EPS8L1: variants seen among roughly 807,000 people sequenced by gnomAD.
EPS8L1 encodes epidermal growth factor receptor kinase substrate 8-like protein 1.
In EPS8L1, 101 loss-of-function variants were observed where a neutral mutation model predicts 91.7. The ratio of observed to expected loss-of-function variants is 1.10; its 90% CI spans 0.94 to 1.30. EPS8L1 has a LOEUF of 1.30. Among genes scored for constraint, EPS8L1 ranks in the 50% most tolerant of loss-of-function variants. The pLI, the probability that EPS8L1 is intolerant of heterozygous loss-of-function variation, is 0.00. For synonymous variants in EPS8L1, 506 were observed against 445.3 expected (o/e 1.14, Z -1.72); for missense variants, 1,114 against 1,017.0 (o/e 1.10, Z -1.30).
At position 55,080,456 on chromosome 19, in the gene EPS8L1, C is replaced by T. The variant is rs184787844; in HGVS notation, c.429+178C>T. ...GAAGGCAGTGGGGTTTGAGATTGGA[C>T]CCAGGGTCAAGATAGAACATGAAGG... On this transcript the variant is annotated intron_variant, in intron 6 of 19. Coordinates refer to ENST00000201647, the MANE Select transcript of EPS8L1 (RefSeq NM_133180.3). 2.1e-5 allele frequency: 34 copies of T among 1,612,330 alleles called. No individual in the cohort carries two copies. The East Asian group carries it at 6.9e-4, about 33-fold the overall frequency.
At position 55,086,542 on chromosome 19, in the gene EPS8L1, C is replaced by G. The variant is rs1294216753; in HGVS notation, c.1777+24C>G. Reference sequence around the variant, plus strand: ...GGGTGAGTGGTGGGGACGCCGGCTGCGGGGAGCGGTCCTTATCCTTGCTTT... The same window carrying G: ...GGGTGAGTGGTGGGGACGCCGGCTGGGGGGAGCGGTCCTTATCCTTGCTTT... On this transcript the variant is annotated intron_variant, in intron 17 of 19. Coordinates refer to ENST00000201647, the MANE Select transcript of EPS8L1 (RefSeq NM_133180.3). 8.4e-6 allele frequency: 13 copies of G among 1,549,668 alleles called. No individual in the cohort carries two copies. The African/African-American group carries it at 1.6e-4, about 20-fold the overall frequency.
Position 55,080,231 on chromosome 19 carries a change from G to A in EPS8L1, c.382G>A (p.Glu128Lys), listed in dbSNP as rs777063967. 3.3e-6 allele frequency: 5 copies of A among 1,537,474 alleles called. No individual in the cohort carries two copies. The highest frequency in any genetic ancestry group is 1.2e-5 in the South Asian group (1 of 83,530). The change falls in exon 6 of 20, where the codon GAG becomes AAG. Residue 128 changes from glutamate to lysine, a missense_variant. Glu to Lys is a moderately conservative substitution (Grantham distance 56). Coordinates refer to ENST00000201647, the MANE Select transcript of EPS8L1 (RefSeq NM_133180.3). ...GCTGCTGCTCGTGTGCCAGGAACCC[G>A]AGCGCGCGCAGCCCGACGTGCACTT... ...SLLLLVCQEP[E>K]RAQPDVHFFQ...
intron 19 of EPS8L1, 34 bp from the exon 20 acceptor site, chr19:55,087,494 G>A (rs200733787): frequency 1.4e-4 from 226 of 1,614,142 alleles, no homozygotes; most frequent in Non-Finnish European, 1.8e-4. Flanking sequence ...GGGCTCGGAC[G>A]CCAGGACAAA....
At position 55,087,806 on chromosome 19, in the gene EPS8L1, A is replaced by G. The variant is rs1398446836; in HGVS notation, c.*192A>G. 2.3e-5 allele frequency: 15 copies of G among 641,146 alleles called. No homozygotes were observed. The highest frequency in any genetic ancestry group is 3.3e-5 in the Non-Finnish European group (12 of 365,854). The allele number at this position is 641,146 out of a possible 1,614,324, so 39.7% of individuals were successfully genotyped here. On this transcript the variant is annotated 3_prime_UTR_variant, in exon 20 of 20. Transcript: ENST00000201647. ...CCGGAGAGGATCTGGACTGGCTGGG[A>G]GTGGGGAGGGCGTGGAGACAGTCTA...
Position 55,086,775 on chromosome 19 carries a change from C to T in EPS8L1, c.1839C>T (p.Arg613=), listed in dbSNP as rs1161059580. 6.2e-7 allele frequency: 1 copy of T among 1,609,650 alleles called. No individual in the cohort carries two copies. The highest frequency in any genetic ancestry group is 8.5e-7 in the Non-Finnish European group (1 of 1,178,752). The change falls in exon 18 of 20, where the codon CGC becomes CGT. Residue 613 remains arginine, a synonymous_variant. Transcript: ENST00000201647. ...EELQARLAQG[R]SGPSRAVPGP... is the part of the protein sequence containing the mutation. ...TGCAGGCGCGCCTGGCCCAGGGCCG[C>T]TCGGGACCGAGCCGCGCAGTCCCAG...
At chr19:55,079,229 G>A (rs897401110) in intron 4 of EPS8L1, among the ~76,000 whole-genome samples, 172 bp downstream of exon 4, 6 of 152,132 alleles carry the variant, frequency 3.9e-5, no homozygotes, top group Admixed American at 3.9e-4. Context: ...TATGAAGCCA[G>A]GGGCCTCGGG....
Position 55,087,624 on chromosome 19 carries a change from C to A in EPS8L1, c.*10C>A, listed in dbSNP as rs73932297. 4.2e-4 allele frequency: 673 copies of A among 1,613,886 alleles called. 4 individuals are homozygous for A. In the African/African-American group the frequency reaches 7.1e-3, roughly 17 times the overall value. On this transcript the variant is annotated 3_prime_UTR_variant, in exon 20 of 20. Transcript: ENST00000201647. ...AATGGAGGTCATTTGACCTGCCAGG[C>A]GCCCTTCGCAAAGAGTGACGAGGCC...
rs370885910 is a variant in EPS8L1, at chr19:55,086,077, G to C, written c.1535G>C (p.Arg512Pro). 1.7e-5 allele frequency: 27 copies of C among 1,597,282 alleles called. No individual in the cohort carries two copies. The South Asian group carries it at 2.1e-4, about 13-fold the overall frequency. Residue 512 changes from arginine (R) to proline (P), a missense_variant, in exon 16 of 20, where the codon CGT (arginine) becomes CCT (proline). By Grantham distance (103) the Arg-to-Pro change is moderately radical (BLOSUM62 -2). Coordinates refer to ENST00000201647, the MANE Select transcript of EPS8L1 (RefSeq NM_133180.3). The stretch of plus-strand genomic sequence containing the variant: ...CACACCCAGGTCCTGGATGACAGTC[G>C]TAAGTGGTGGAAGGTTCGGGACCCA... Reference protein sequence around the residue: ...RDVLEVLDDSRKWWKVRDPAG... With the variant: ...RDVLEVLDDSPKWWKVRDPAG...
intron 18 of EPS8L1, 155 bp downstream of exon 18, chr19:55,087,043 G>A: frequency 9.0e-7 from 1 of 1,117,222 alleles, no homozygotes; most frequent in Non-Finnish European, 1.2e-6. Context: ...ACACCCAATG[G>A]CAGGCTGTGA....
intron 12 of EPS8L1, 94 bp downstream of exon 12, chr19:55,082,696 G>A (rs913639147): frequency 1.6e-6 from 2 of 1,219,040 alleles, no homozygotes; most frequent in African/African-American, 1.5e-5. Flanking sequence ...AATAGGACTA[G>A]GAGAGTAGGG....
In EPS8L1 at chr19:55,079,824, T is replaced by A; in HGVS notation, c.252T>A (p.His84Gln). 2 of 1,613,714 alleles carry A rather than the reference T, an allele frequency of 1.2e-6. No individual in the cohort carries two copies. The highest frequency in any genetic ancestry group is 8.5e-7 in the Non-Finnish European group (1 of 1,179,854). The change falls in exon 5 of 20, where the codon CAT (histidine) becomes CAA (glutamine). Residue 84 changes from histidine to glutamine, a missense_variant. By Grantham distance (24) the His-to-Gln change is conservative. Coordinates refer to ENST00000201647, the MANE Select transcript of EPS8L1 (RefSeq NM_133180.3). Reference protein sequence around the residue: ...QEMLLRVSPDHVTLLDPASKE... With the variant: ...QEMLLRVSPDQVTLLDPASKE... ...TGCTGCTGCGAGTGTCTCCCGACCA[T>A]GTCACGCTGCTCGACCCGGCCTCCA...
chr19:55,083,277 A>G lies in EPS8L1; in HGVS notation c.1215-101A>G. The G allele has an allele frequency of 6.8e-7, 1 of 1,471,782 alleles. No individual in the cohort carries two copies. The highest frequency in any genetic ancestry group is 1.3e-5 in the South Asian group (1 of 74,268). The allele number at this position is 1,471,782 out of a possible 1,614,324, so 91.2% of individuals were successfully genotyped here. A position where few individuals can be genotyped will look rare whatever the true frequency, so the allele number is the denominator to read the frequency against. ...AAGTGGCGGGGCTAGAATCGTTGGA[A>G]TACAGCGAGCTTTAGGGGAAAACTT... is the stretch of plus-strand genomic sequence containing the variant. On this transcript the variant is annotated intron_variant, in intron 12 of 19. Transcript: ENST00000201647. The surrounding 1 kb of genome is among the most constrained non-coding windows in gnomAD (Gnocchi z 4.7).
chr19:55,076,364 G>T (rs1297455696), intron 1 of EPS8L1, 44 bp from the exon 2 acceptor site: 2 of 1,553,748 alleles, frequency 1.3e-6, no homozygotes, highest in East Asian at 2.3e-5. Flanking sequence ...GTAGGAATTA[G>T]AGGCTCCTAC....
In EPS8L1 at chr19:55,085,869, C is replaced by T. The variant is rs2076347048; in HGVS notation, c.1414C>T (p.Pro472Ser). 6.2e-7 allele frequency: 1 copy of T among 1,613,236 alleles called. No individual in the cohort carries two copies. The highest frequency in any genetic ancestry group is 1.3e-5 in the African/African-American group (1 of 74,812). ...CCGAGACTTGGAGCCAGAATCTGAG[C>T]CTCAGCTGGAGTCAGAGACAGCAGG... ...GHRDLEPESEPQLESETAGKW... is the reference protein window; with the variant it reads ...GHRDLEPESESQLESETAGKW... Residue 472 changes from proline to serine, a missense_variant, in exon 15 of 20, where the codon CCT becomes TCT. Coordinates refer to ENST00000201647, the MANE Select transcript of EPS8L1 (RefSeq NM_133180.3).
chr19:55,084,010 T>G, intron 14 of EPS8L1: 2 of 505,592 alleles, frequency 4.0e-6, no homozygotes, highest in Non-Finnish European at 3.6e-6. Context: ...CTGGGCTCCC[T>G]AGGAGGACAG....
rs1160952713 is a variant in EPS8L1, at chr19:55,082,210, C to T, written c.990+30C>T. On this transcript the variant is annotated intron_variant, in intron 10 of 19. Transcript: ENST00000201647. ...GGACGCGCCCGCCCCTGGGCCGGGG[C>T]GCGGGCACGACGAACCTGTCCCGTC... The T allele has an allele frequency of 1.3e-6, 2 of 1,589,862 alleles. No individual in the cohort carries two copies. Among genetic ancestry groups the T allele is most frequent in the East Asian group, 2.3e-5 (1 of 43,810 alleles).
In EPS8L1 at chr19:55,087,443, G is replaced by A. The variant is rs374700115; in HGVS notation, c.2085+8G>A. 6.2e-6 allele frequency: 10 copies of A among 1,614,178 alleles called. No homozygotes were observed. Among genetic ancestry groups the A allele is most frequent in the Admixed American group, 1.7e-5 (1 of 60,022 alleles). On this transcript the variant is annotated splice_region_variant and intron_variant, in intron 19 of 19. Transcript: ENST00000201647. ...CAGCGCTCGCTGCTGGAGGTGAGCC[G>A]GACCGCTGGTCCCTGGGTCTGGGTA...
chr19:55,078,035 A>G, intron 2 of EPS8L1, 53 bp from the exon 3 acceptor site: 2 of 1,585,784 alleles, frequency 1.3e-6, no homozygotes, highest in Non-Finnish European at 1.7e-6. Flanking sequence ...TGGCATTTCC[A>G]CAGGATCTGC....
At chr19:55,079,415 G>A (rs2076205778) in intron 4 of EPS8L1, among the ~76,000 whole-genome samples, 1 of 152,178 alleles carries the variant, frequency 6.6e-6, no homozygotes, top group South Asian at 2.1e-4. Flanking sequence ...GAGACCCGAG[G>A]AGGCATTTAG....
Sources: gnomAD v4.1 joint callset for allele counts (sites outside exome capture counted in the v4.1 genomes callset) on GRCh38, gnomAD v4.1.1 for gene constraint, Gnocchi (gnomAD v3.1) non-coding constraint, MANE v1.5 for transcripts, NCBI Gene and HGNC (gene_info 2026-07-23, HGNC 2026-07-21) for gene names.